The following CYP2J2 variants were observed in gnomAD, a reference collection of about 807,000 sequenced individuals.
The protein encoded by CYP2J2 is cytochrome P450 2J2.
A neutral mutation model predicts 48.8 loss-of-function variants in CYP2J2; 41 were observed. The ratio of observed to expected loss-of-function variants is 0.84; its 90% CI spans 0.66 to 1.09. CYP2J2 has a LOEUF of 1.09. Among genes scored for constraint, CYP2J2 ranks in the 50% least tolerant of loss-of-function variants. CYP2J2 has a pLI of 0.00. For missense variants in CYP2J2, 644 were observed against 617.3 expected (o/e 1.04, Z -0.46); for synonymous variants, 221 against 227.1 (o/e 0.97, Z 0.24).
Position 59,904,980 on chromosome 1 carries a change from T to C in CYP2J2, c.1082A>G (p.Tyr361Cys). The C allele has an allele frequency of 6.2e-7, 1 of 1,614,024 alleles. No individual in the cohort carries two copies. The highest frequency in any genetic ancestry group is 8.5e-7 in the Non-Finnish European group (1 of 1,179,988). ...CACCTCATGGATGACAGCATTGGTG[T>C]AGGGCATGGACTCCCGGGCGGCTGT... ...PSTAARESMPYTNAVIHEVQR... is the reference protein window; with the variant it reads ...PSTAARESMPCTNAVIHEVQR... Residue 361 changes from tyrosine (Y) to cysteine (C), a missense_variant, in exon 7 of 9, where the codon TAC becomes TGC. Physicochemically the swap from Tyr to Cys is radical, Grantham distance 194. Transcript: ENST00000371204.
At chr1:59,955,203 C>T in the CYP2J2 span, among the ~76,000 whole-genome samples, 5 of 145,714 alleles carry the variant, frequency 3.4e-5, no homozygotes, top group Middle Eastern at 0.011. Context: ...TGCATATGCA[C>T]GTGTGTATGT....
chr1:59,957,705 A>ACACAC, the CYP2J2 span, among the ~76,000 whole-genome samples: 52 of 150,686 alleles, frequency 3.5e-4, no homozygotes, highest in African/African-American at 1.2e-3. Context: ...CACACACACC[A>ACACAC]CACACACACA....
At chr1:59,916,178 G>T (rs1644463747) in intron 1 of CYP2J2, 78 bp from the exon 2 acceptor site, 1 of 1,286,278 alleles carries the variant, frequency 7.8e-7, no homozygotes, top group African/African-American at 1.5e-5. Context: ...TGTAGCTGGA[G>T]GGGATCATAT....
the CYP2J2 span, among the ~76,000 whole-genome samples, chr1:59,941,561 C>T: frequency 6.6e-6 from 1 of 151,944 alleles, no homozygotes; most frequent in Non-Finnish European, 1.5e-5. Flanking sequence ...AAAATAGTCC[C>T]AGGCAGGTCT....
rs11572314 is a variant in CYP2J2, at chr1:59,898,973, C to CATGAAGG, written c.1330+1985_1330+1991dup. Among the ~76,000 whole-genome samples the CATGAAGG allele has an allele frequency of 5.6e-4, 85 of 152,260 alleles. 2 individuals carry two copies. In the East Asian group the frequency reaches 0.012, roughly 22 times the overall value. On this transcript the variant is annotated intron_variant, in intron 8 of 8. Transcript: ENST00000371204. ...AAGATAATTTTTTTAAAACAGGAGA[C>CATGAAGG]ATGAAGGAACTATGAGAAAGAGGCT...
At position 59,911,955 on chromosome 1, in the gene CYP2J2, G is replaced by A. The variant is rs567705180; in HGVS notation, c.524-187C>T. On this transcript the variant is annotated intron_variant, in intron 3 of 8. Transcript: ENST00000371204. Reference sequence around the variant, plus strand: ...GTCAACTCCAGGGAAGTCAAACTGCGGACCAGGGCTTAAATTCAGTAATGT... The same window carrying A: ...GTCAACTCCAGGGAAGTCAAACTGCAGACCAGGGCTTAAATTCAGTAATGT... Among the ~76,000 whole-genome samples the A allele has an allele frequency of 1.4e-4, 21 of 152,250 alleles. No individual in the cohort carries two copies. In the South Asian group the frequency reaches 1.5e-3, roughly 11 times the overall value.
chr1:59,935,699 A>C, the CYP2J2 span, among the ~76,000 whole-genome samples: 1 of 152,226 alleles, frequency 6.6e-6, no homozygotes, highest in Non-Finnish European at 1.5e-5. Context: ...AAGTGAAGAG[A>C]TATTCCACGT....
At chr1:59,955,304 A>T in the CYP2J2 span, among the ~76,000 whole-genome samples, 3 of 126,182 alleles carry the variant, frequency 2.4e-5, no homozygotes, top group African/African-American at 9.8e-5. Context: ...ATATATATAT[A>T]TCCATATATA....
At chr1:59,945,508 T>G in the CYP2J2 span, among the ~76,000 whole-genome samples, 1 of 152,164 alleles carries the variant, frequency 6.6e-6, no homozygotes, top group East Asian at 1.9e-4. Context: ...GGGGCCTCCA[T>G]GGGCTCTATT....
chr1:59,930,728 A>AT (rs1055113920), upstream of CYP2J2, among the ~76,000 whole-genome samples: 13 of 151,200 alleles, frequency 8.6e-5, no homozygotes, highest in African/African-American at 2.4e-4. Flanking sequence ...CAGATGGTTT[A>AT]TTTTTTTTTA....
the CYP2J2 span, among the ~76,000 whole-genome samples, chr1:59,935,531 ATTTT>A: frequency 1.3e-5 from 2 of 152,320 alleles, no homozygotes; most frequent in Admixed American, 6.5e-5. Context: ...ATATATACAA[ATTTT>A]ATTTACCAAT....
chr1:59,943,728 G>A, the CYP2J2 span, among the ~76,000 whole-genome samples: 2 of 151,814 alleles, frequency 1.3e-5, no homozygotes, highest in African/African-American at 2.4e-5. Context: ...GGGAAAGTCC[G>A]ACATCATCAC....
the CYP2J2 span, among the ~76,000 whole-genome samples, chr1:59,959,902 G>C: frequency 2.0e-5 from 3 of 152,114 alleles, no homozygotes; most frequent in Admixed American, 6.5e-5. Flanking sequence ...CGGGGGAAGA[G>C]TGGGAGTGGG....
chr1:59,935,027 T>TATATACAC, the CYP2J2 span, among the ~76,000 whole-genome samples: 33 of 100,134 alleles, frequency 3.3e-4, 1 homozygote, highest in African/African-American at 1.3e-3. Flanking sequence ...TATATATATA[T>TATATACAC]ATATATATAT....
intron 8 of CYP2J2, among the ~76,000 whole-genome samples, chr1:59,900,118 T>A (rs994502406): frequency 2.0e-5 from 3 of 152,202 alleles, no homozygotes; most frequent in African/African-American, 7.2e-5. Flanking sequence ...AATTAGATTT[T>A]AAAAAATGAA....
intron 6 of CYP2J2, among the ~76,000 whole-genome samples, chr1:59,906,027 A>C (rs567172275): frequency 3.3e-4 from 50 of 152,254 alleles, no homozygotes; most frequent in African/African-American, 1.1e-3. Context: ...TCTACTAAAA[A>C]TACAAAAAAT....
At chr1:59,926,354 G>A (rs1424769585) in intron 1 of CYP2J2, among the ~76,000 whole-genome samples, 183 bp downstream of exon 1, 1 of 152,160 alleles carries the variant, frequency 6.6e-6, no homozygotes. Context: ...GAAAGTGCAG[G>A]TGGAATCATG....
chr1:59,935,905 C>T, the CYP2J2 span, among the ~76,000 whole-genome samples: 1 of 152,188 alleles, frequency 6.6e-6, no homozygotes, highest in Non-Finnish European at 1.5e-5. Context: ...TCCTGAGTAG[C>T]TGGGATTACT....
the CYP2J2 span, among the ~76,000 whole-genome samples, chr1:59,950,845 C>T: frequency 4.0e-4 from 61 of 152,246 alleles, no homozygotes; most frequent in Admixed American, 2.6e-3. Flanking sequence ...CCCTTCTGTC[C>T]GCATGGTCTC....
Sources: gnomAD v4.1 joint callset for allele counts (sites outside exome capture counted in the v4.1 genomes callset) on GRCh38, gnomAD v4.1.1 for gene constraint, MANE v1.5 for transcripts, NCBI Gene and HGNC (gene_info 2026-07-23, HGNC 2026-07-21) for gene names.